Variants in REDIC1 observed in about 807,000 individuals in gnomAD.
REDIC1 encodes HEI10 Interacting Protein 1.
chr12:39,635,830 G>T, the REDIC1 span, among the ~76,000 whole-genome samples: 1 of 151,838 alleles, frequency 6.6e-6, no homozygotes, highest in Non-Finnish European at 1.5e-5. Context: ...AGGTTTTATG[G>T]TATTTATAAT....
chr12:39,698,465 C>G, the REDIC1 span, among the ~76,000 whole-genome samples: 1 of 152,128 alleles, frequency 6.6e-6, no homozygotes, highest in Non-Finnish European at 1.5e-5. Flanking sequence ...GATGAAAAAC[C>G]AGACTTCATC....
At chr12:39,636,073 A>T in the REDIC1 span, among the ~76,000 whole-genome samples, 3 of 152,112 alleles carry the variant, frequency 2.0e-5, no homozygotes, top group East Asian at 5.8e-4. Context: ...TGAACTAGTG[A>T]TAATGCAAAT....
the REDIC1 span, among the ~76,000 whole-genome samples, chr12:39,677,975 C>T: frequency 6.6e-6 from 1 of 151,996 alleles, no homozygotes; most frequent in Non-Finnish European, 1.5e-5. Context: ...CATTAAATGC[C>T]TACATCAAAA....
the REDIC1 span, chr12:39,646,585 A>G: frequency 2.2e-6 from 2 of 914,300 alleles, no homozygotes; most frequent in Non-Finnish European, 3.1e-6. Context: ...TTGGCTGTTA[A>G]CAGTATTATG....
At chr12:39,857,508 C>G in the REDIC1 span, among the ~76,000 whole-genome samples, 3 of 152,278 alleles carry the variant, frequency 2.0e-5, no homozygotes, top group Admixed American at 1.3e-4. Context: ...CTGTCACCAT[C>G]AAGGTTGCGT....
the REDIC1 span, among the ~76,000 whole-genome samples, chr12:39,789,609 A>G: frequency 4.8e-3 from 727 of 152,314 alleles, 6 homozygotes; most frequent in Middle Eastern, 0.01. Context: ...CACACAGTCA[A>G]TTTTATAGAT....
chr12:39,890,666 AT>A, the REDIC1 span, among the ~76,000 whole-genome samples: 1 of 152,144 alleles, frequency 6.6e-6, no homozygotes, highest in African/African-American at 2.4e-5. Context: ...GTATATATGT[AT>A]TGAAACATCA....
the REDIC1 span, among the ~76,000 whole-genome samples, chr12:39,793,931 G>T: frequency 6.6e-6 from 1 of 151,950 alleles, no homozygotes; most frequent in African/African-American, 2.4e-5. Context: ...GCTCATTATG[G>T]TTGGTCAGTG....
chr12:39,637,236 A>T, the REDIC1 span, among the ~76,000 whole-genome samples: 1 of 152,052 alleles, frequency 6.6e-6, no homozygotes, highest in East Asian at 1.9e-4. Flanking sequence ...AGAGGTTATG[A>T]CCTACCAATT....
chr12:39,873,188 A>G, the REDIC1 span, among the ~76,000 whole-genome samples: 72 of 152,214 alleles, frequency 4.7e-4, no homozygotes, highest in Non-Finnish European at 3.5e-4. Flanking sequence ...TTAACTATGT[A>G]GCATGAAGGA....
the REDIC1 span, among the ~76,000 whole-genome samples, chr12:39,900,969 T>C: frequency 6.6e-6 from 1 of 152,142 alleles, no homozygotes; most frequent in Admixed American, 6.5e-5. Flanking sequence ...CAAAACAGCA[T>C]GGTACCGGTA....
the REDIC1 span, among the ~76,000 whole-genome samples, chr12:39,865,640 C>T: frequency 2.6e-5 from 4 of 151,806 alleles, no homozygotes; most frequent in Non-Finnish European, 5.9e-5. Flanking sequence ...TGAGGGTAAA[C>T]GAAAAGGGTC....
At chr12:39,764,323 G>C in the REDIC1 span, 8 of 734,750 alleles carry the variant, frequency 1.1e-5, no homozygotes, top group African/African-American at 1.4e-4. Context: ...TGCCTTTGGA[G>C]GACAAGAAAG....
At chr12:39,627,708 A>G in the REDIC1 span, among the ~76,000 whole-genome samples, 1 of 152,174 alleles carries the variant, frequency 6.6e-6, no homozygotes, top group Non-Finnish European at 1.5e-5. Flanking sequence ...AGATTAGGAG[A>G]AAATATGTGT....
chr12:39,662,980 G>A, the REDIC1 span, among the ~76,000 whole-genome samples: 3 of 151,950 alleles, frequency 2.0e-5, no homozygotes, highest in Non-Finnish European at 4.4e-5. Flanking sequence ...TAATCCACTT[G>A]ATGATCATGT....
At chr12:39,734,735 T>A in the REDIC1 span, among the ~76,000 whole-genome samples, 21 of 152,188 alleles carry the variant, frequency 1.4e-4, no homozygotes, top group African/African-American at 4.1e-4. Context: ...GATCTATATA[T>A]CTCTTCTTAT....
At chr12:39,704,095 C>T in the REDIC1 span, among the ~76,000 whole-genome samples, 3 of 152,182 alleles carry the variant, frequency 2.0e-5, no homozygotes, top group Middle Eastern at 3.4e-3. Context: ...AAGTAAAGAG[C>T]TTCTGCACAG....
the REDIC1 span, among the ~76,000 whole-genome samples, chr12:39,800,475 G>A: frequency 7.4e-6 from 1 of 135,420 alleles, no homozygotes; most frequent in Non-Finnish European, 1.6e-5. Flanking sequence ...CATTTATGCA[G>A]CCAAAAAACA....
chr12:39,859,297 AAAAG>A, the REDIC1 span, among the ~76,000 whole-genome samples: 3 of 150,434 alleles, frequency 2.0e-5, no homozygotes, highest in Admixed American at 1.3e-4. Context: ...AAAAAAAAGA[AAAAG>A]AAAGAAAGCT....
Sources: gnomAD v4.1 joint callset for allele counts (sites outside exome capture counted in the v4.1 genomes callset) on GRCh38, gnomAD v4.1.1 for gene constraint, MANE v1.5 for transcripts, NCBI Gene and HGNC (gene_info 2026-07-23, HGNC 2026-07-21) for gene names.